Variants in IL1RAPL2 observed in about 807,000 individuals in gnomAD.
IL1RAPL2 encodes the protein X-linked interleukin-1 receptor accessory protein-like 2.
In IL1RAPL2, 3 loss-of-function variants were observed where a neutral mutation model predicts 44.1. That is an observed-to-expected ratio of 0.07 (90% CI 0.03 to 0.18). The LOEUF (loss-of-function observed/expected upper bound fraction) is 0.18. Ranked by LOEUF, IL1RAPL2 falls within the 10% of genes least tolerant of loss-of-function variation. The probability of loss-of-function intolerance (pLI) is 1.00; values close to 1 mark genes in which losing one functional copy is unlikely to be tolerated. For missense variants in IL1RAPL2, 391 were observed against 496.4 expected, an observed-to-expected ratio of 0.79 and a Z score of 2.02; for synonymous variants, 181 against 178.8, an observed-to-expected ratio of 1.01 and a Z score of -0.10.
intron 2 of IL1RAPL2, among the ~76,000 whole-genome samples, chrX:105,006,202 T>C (rs2030938986): frequency 9.0e-6 from 1 of 110,593 alleles, no homozygotes; most frequent in Non-Finnish European, 1.9e-5. Flanking sequence ...GTGTTATTTT[T>C]CCCCTCCTCG....
At chrX:104,882,938 T>C (rs1189172624) in intron 2 of IL1RAPL2, among the ~76,000 whole-genome samples, 4 of 110,802 alleles carry the variant, frequency 3.6e-5, no homozygotes, top group Non-Finnish European at 7.6e-5. Context: ...TAACACACAC[T>C]GCGAAGGTCT....
At chrX:105,060,898 T>C (rs1398123166) in intron 2 of IL1RAPL2, among the ~76,000 whole-genome samples, 1 of 111,168 alleles carries the variant, frequency 9.0e-6, no homozygotes, top group Admixed American at 9.6e-5. Context: ...TAATGTCTTC[T>C]TTTTAAATTC....
At chrX:105,227,573 A>G (rs1260017997) in intron 3 of IL1RAPL2, among the ~76,000 whole-genome samples, 1 of 112,005 alleles carries the variant, frequency 8.9e-6, no homozygotes, top group Non-Finnish European at 1.9e-5. Context: ...TATTAGGTTT[A>G]CATCTGCTTT....
intron 2 of IL1RAPL2, among the ~76,000 whole-genome samples, chrX:104,725,437 T>G (rs977026161): frequency 8.9e-6 from 1 of 111,893 alleles, no homozygotes; most frequent in Admixed American, 9.5e-5. Context: ...TTTCTGGTTC[T>G]AGATCCTTGA....
intron 5 of IL1RAPL2, among the ~76,000 whole-genome samples, chrX:105,394,960 T>TGG (rs1367629028): frequency 9.0e-6 from 1 of 111,670 alleles, no homozygotes; most frequent in African/African-American, 3.3e-5. Context: ...CTCCTTCCTC[T>TGG]GGTTACCCTA....
intron 1 of IL1RAPL2, among the ~76,000 whole-genome samples, chrX:104,636,931 C>T (rs936679218): frequency 9.9e-5 from 11 of 111,585 alleles, no homozygotes; most frequent in African/African-American, 2.9e-4. Context: ...TCTTCTGCGT[C>T]GCTCACTCTG....
At chrX:105,306,920 A>T (rs1439432002) in intron 5 of IL1RAPL2, among the ~76,000 whole-genome samples, 2 of 111,375 alleles carry the variant, frequency 1.8e-5, no homozygotes, top group Non-Finnish European at 3.8e-5. Flanking sequence ...AAGTAGTTTA[A>T]TTAACTCACA....
chrX:105,168,446 T>TGTGTGTGTGC (rs1410904995), intron 2 of IL1RAPL2, among the ~76,000 whole-genome samples: 4 of 80,103 alleles, frequency 5.0e-5, no homozygotes, highest in African/African-American at 1.1e-4. Flanking sequence ...TGTGTGTGTG[T>TGTGTGTGTGC]GTGTGTGCAC....
At chrX:104,986,368 G>A (rs1209990210) in intron 2 of IL1RAPL2, among the ~76,000 whole-genome samples, 7 of 112,260 alleles carry the variant, frequency 6.2e-5, no homozygotes, top group Non-Finnish European at 9.4e-5. Context: ...CACACATTAA[G>A]TATCCAATAA....
intron 4 of IL1RAPL2, among the ~76,000 whole-genome samples, chrX:105,248,608 A>C (rs1403171773): frequency 9.1e-6 from 1 of 110,285 alleles, no homozygotes; most frequent in Non-Finnish European, 1.9e-5. Flanking sequence ...ACAAGGGATT[A>C]ATCACCAGAA....
intron 10 of IL1RAPL2, among the ~76,000 whole-genome samples, chrX:105,756,296 G>A (rs2038638722): frequency 8.9e-6 from 1 of 111,824 alleles, no homozygotes; most frequent in African/African-American, 3.2e-5. Flanking sequence ...TTGCGAGAGA[G>A]TAGGTACTTA....
At chrX:105,296,009 A>G (rs1163977742) in intron 5 of IL1RAPL2, among the ~76,000 whole-genome samples, 1 of 111,551 alleles carries the variant, frequency 9.0e-6, no homozygotes, top group East Asian at 2.8e-4. Flanking sequence ...TATTTCTCAC[A>G]TCATGTCATT....
At chrX:105,211,913 G>A (rs2033810859) in intron 3 of IL1RAPL2, among the ~76,000 whole-genome samples, 1 of 112,025 alleles carries the variant, frequency 8.9e-6, no homozygotes, top group Non-Finnish European at 1.9e-5. Flanking sequence ...GAAGCTGTGA[G>A]GGACAATGCT....
At chrX:105,512,916 C>A (rs996127032) in intron 6 of IL1RAPL2, among the ~76,000 whole-genome samples, 1 of 110,576 alleles carries the variant, frequency 9.0e-6, no homozygotes, top group South Asian at 3.9e-4. Flanking sequence ...CTACCCCTCC[C>A]CTAGGCCCCC....
chrX:104,589,346 A>T (rs1928620328), intron 1 of IL1RAPL2, among the ~76,000 whole-genome samples: 1 of 112,193 alleles, frequency 8.9e-6, no homozygotes, highest in South Asian at 3.7e-4. Context: ...CAGGAGAAAG[A>T]TGTAGGCCGG....
At chrX:105,473,106 G>C (rs1602427689) in intron 5 of IL1RAPL2, among the ~76,000 whole-genome samples, 1 of 111,734 alleles carries the variant, frequency 8.9e-6, no homozygotes, top group East Asian at 2.8e-4. Flanking sequence ...GAGACTGGGA[G>C]ACTACAGAAT....
At chrX:105,478,588 A>AG (rs1346106137) in intron 5 of IL1RAPL2, among the ~76,000 whole-genome samples, 2 of 111,399 alleles carry the variant, frequency 1.8e-5, no homozygotes, top group African/African-American at 3.3e-5. Flanking sequence ...CAATTCAATG[A>AG]GGGGGTCAAG....
intron 2 of IL1RAPL2, among the ~76,000 whole-genome samples, chrX:104,877,841 A>C (rs1035175744): frequency 8.9e-6 from 1 of 111,779 alleles, no homozygotes; most frequent in Non-Finnish European, 1.9e-5. Flanking sequence ...AGAGATGGCA[A>C]ACAAGCTCAT....
chrX:104,955,553 A>C (rs1366797827), intron 2 of IL1RAPL2, among the ~76,000 whole-genome samples: 1 of 107,455 alleles, frequency 9.3e-6, no homozygotes, highest in African/African-American at 3.4e-5. Context: ...ATATATATAT[A>C]TTATACTCAT....
Sources: gnomAD v4.1 joint callset for allele counts (sites outside exome capture counted in the v4.1 genomes callset) on GRCh38, gnomAD v4.1.1 for gene constraint, MANE v1.5 for transcripts, NCBI Gene and HGNC (gene_info 2026-07-23, HGNC 2026-07-21) for gene names.